Variants in BLTP3B observed in about 807,000 individuals in gnomAD.
The protein encoded by BLTP3B is bridge-like lipid transfer protein family member 3B.
chr12:100,077,489 C>A, the BLTP3B span, among the ~76,000 whole-genome samples: 1 of 152,182 alleles, frequency 6.6e-6, no homozygotes. Flanking sequence ...CTAGATAATT[C>A]TTCATTGTGG....
chr12:100,048,792 GT>G, the BLTP3B span, among the ~76,000 whole-genome samples: 343 of 151,266 alleles, frequency 2.3e-3, 1 homozygote, highest in African/African-American at 8.0e-3. Context: ...GTGTGTGTGT[GT>G]GTGTGTGTGT....
chr12:100,132,622 G>A, the BLTP3B span, among the ~76,000 whole-genome samples: 6 of 152,194 alleles, frequency 3.9e-5, no homozygotes, highest in East Asian at 1.9e-4. Flanking sequence ...GTAGAACCAC[G>A]AGCTAAATAA....
chr12:100,098,290 T>C, the BLTP3B span: 5 of 1,490,504 alleles, frequency 3.4e-6, no homozygotes, highest in East Asian at 6.9e-5. Flanking sequence ...GTGATTTTTT[T>C]AATCGTCCTC....
chr12:100,091,731 C>T, the BLTP3B span, among the ~76,000 whole-genome samples: 1 of 151,570 alleles, frequency 6.6e-6, no homozygotes, highest in Non-Finnish European at 1.5e-5. Flanking sequence ...TCTTGATCTC[C>T]TGACCTCAGG....
At chr12:100,087,803 G>A in the BLTP3B span, among the ~76,000 whole-genome samples, 2 of 152,196 alleles carry the variant, frequency 1.3e-5, no homozygotes, top group East Asian at 3.8e-4. Context: ...AGTGAGGAAT[G>A]TAAGGCCTTA....
chr12:100,084,364 A>G, the BLTP3B span: 1 of 1,138,476 alleles, frequency 8.8e-7, no homozygotes, highest in South Asian at 1.9e-5. Context: ...ACTCATTTAC[A>G]GGAAATACTA....
At chr12:100,109,152 C>A in the BLTP3B span, among the ~76,000 whole-genome samples, 1 of 138,414 alleles carries the variant, frequency 7.2e-6, no homozygotes, top group Non-Finnish European at 1.5e-5. Flanking sequence ...AAGTGTCTGG[C>A]AGTTTTCCTC....
At chr12:100,049,345 T>C in the BLTP3B span, among the ~76,000 whole-genome samples, 1 of 152,208 alleles carries the variant, frequency 6.6e-6, no homozygotes, top group East Asian at 1.9e-4. Flanking sequence ...AAGACTGCTA[T>C]ATCAATTCAT....
At chr12:100,061,253 T>TA in the BLTP3B span, among the ~76,000 whole-genome samples, 1 of 152,178 alleles carries the variant, frequency 6.6e-6, no homozygotes. Context: ...TTGATGATGG[T>TA]AGTCACAGAG....
At chr12:100,053,175 C>A in the BLTP3B span, among the ~76,000 whole-genome samples, 1 of 151,748 alleles carries the variant, frequency 6.6e-6, no homozygotes, top group Non-Finnish European at 1.5e-5. Flanking sequence ...GAGGCTGAGG[C>A]GGGTGGATTA....
At chr12:100,075,323 T>C in the BLTP3B span, among the ~76,000 whole-genome samples, 1 of 151,996 alleles carries the variant, frequency 6.6e-6, no homozygotes, top group Non-Finnish European at 1.5e-5. Context: ...CCTTCTACTA[T>C]ATACAAAAAT....
the BLTP3B span, among the ~76,000 whole-genome samples, chr12:100,079,098 C>A: frequency 1.3e-5 from 2 of 152,106 alleles, no homozygotes; most frequent in Non-Finnish European, 2.9e-5. Flanking sequence ...GTATAAATTG[C>A]CCAGTCTTGG....
chr12:100,077,621 C>T, the BLTP3B span, among the ~76,000 whole-genome samples: 1 of 152,180 alleles, frequency 6.6e-6, no homozygotes, highest in African/African-American at 2.4e-5. Context: ...TGCCAAATGT[C>T]CCCTGGGGGG....
At chr12:100,085,573 G>A in the BLTP3B span, among the ~76,000 whole-genome samples, 3 of 151,962 alleles carry the variant, frequency 2.0e-5, no homozygotes, top group African/African-American at 7.2e-5. Context: ...ACATAGAAAT[G>A]ACAAACATTG....
At chr12:100,049,739 C>T in the BLTP3B span, among the ~76,000 whole-genome samples, 1 of 152,006 alleles carries the variant, frequency 6.6e-6, no homozygotes. Flanking sequence ...TGTTCTTTCC[C>T]ATAGCAAGAA....
chr12:100,087,464 A>G, the BLTP3B span, among the ~76,000 whole-genome samples: 2 of 152,220 alleles, frequency 1.3e-5, no homozygotes, highest in Non-Finnish European at 2.9e-5. Context: ...ATGTTTCAGA[A>G]TTCAGAAATG....
chr12:100,072,856 A>G, the BLTP3B span: 1 of 1,542,968 alleles, frequency 6.5e-7, no homozygotes, highest in Non-Finnish European at 8.6e-7. Context: ...CTGAATAAAA[A>G]CCTTTCCAAA....
the BLTP3B span, chr12:100,108,671 G>A: frequency 3.6e-5 from 26 of 727,940 alleles, no homozygotes; most frequent in East Asian, 3.5e-4. Flanking sequence ...GTCCATCAAC[G>A]ACAAATGGAT....
the BLTP3B span, chr12:100,051,283 T>C: frequency 7.0e-7 from 1 of 1,436,240 alleles, no homozygotes; most frequent in African/African-American, 1.4e-5. Context: ...TCTAACACTG[T>C]ATGCTTATTT....
Sources: gnomAD v4.1 joint callset for allele counts (sites outside exome capture counted in the v4.1 genomes callset) on GRCh38, gnomAD v4.1.1 for gene constraint, MANE v1.5 for transcripts, NCBI Gene and HGNC (gene_info 2026-07-23, HGNC 2026-07-21) for gene names.